The following TMEM132D variants were observed in gnomAD, a reference collection of about 807,000 sequenced individuals.
The protein encoded by TMEM132D is mature OL transmembrane protein.
In TMEM132D, 21 loss-of-function variants were observed where a neutral mutation model predicts 62.3. The observed-to-expected ratio is 0.34, with a 90% CI of 0.24 to 0.49. The LOEUF is 0.49. TMEM132D is among the 20% of genes least tolerant of loss of function. The pLI is 0.99. For missense variants in TMEM132D, 1,346 were observed against 1,402.8 expected (o/e 0.96, Z 0.65); for synonymous variants, 621 against 575.6 (o/e 1.08, Z -1.13).
intron 2 of TMEM132D, among the ~76,000 whole-genome samples, chr12:129,692,558 A>G (rs1234317685): frequency 6.6e-6 from 1 of 152,208 alleles, no homozygotes; most frequent in African/African-American, 2.4e-5. Flanking sequence ...TTGCAGCACT[A>G]TTCACACTAT....
intron 1 of TMEM132D, among the ~76,000 whole-genome samples, chr12:129,842,097 A>ATTTTT (rs746315309): frequency 4.2e-4 from 41 of 97,424 alleles, no homozygotes; most frequent in Middle Eastern, 6.3e-3. Context: ...CGCCCGGCTA[A>ATTTTT]TTTTTTTTTT....
At chr12:129,265,057 T>A (rs1880649281) in intron 4 of TMEM132D, among the ~76,000 whole-genome samples, 1 of 151,772 alleles carries the variant, frequency 6.6e-6, no homozygotes, top group Non-Finnish European at 1.5e-5. Context: ...CCCCAATAAC[T>A]TATGGAAAAA....
chr12:129,572,655 G>T (rs1401641663), intron 2 of TMEM132D, among the ~76,000 whole-genome samples: 2 of 152,084 alleles, frequency 1.3e-5, no homozygotes, highest in African/African-American at 2.4e-5. Flanking sequence ...CTCCATGTTG[G>T]TCAGGCTGGT....
At chr12:129,179,888 C>T (rs753368487) in intron 5 of TMEM132D, among the ~76,000 whole-genome samples, 13 of 152,126 alleles carry the variant, frequency 8.5e-5, no homozygotes, top group African/African-American at 2.2e-4. Flanking sequence ...ATTAGCCAGG[C>T]GTGGTGGCTG....
chr12:129,375,106 T>G (rs1280102944), intron 3 of TMEM132D, among the ~76,000 whole-genome samples: 1 of 152,198 alleles, frequency 6.6e-6, no homozygotes, highest in Non-Finnish European at 1.5e-5. Flanking sequence ...CTCCGGGAAC[T>G]TGGGCTGCAG....
rs141367054 is a variant in TMEM132D at position 129,134,116 on chromosome 12, TTG to T, written c.1444-49416_1444-49415del. On this transcript the variant is annotated intron_variant, in intron 5 of 8. Coordinates refer to ENST00000422113, the MANE Select transcript of TMEM132D (RefSeq NM_133448.3). Reference sequence around the variant, plus strand: ...TGTGTGTGTGTTGTGTGTCTGTGTGTTGTGTGTGTGTGTGTGTCTGTGTGTGT... The same window carrying T: ...TGTGTGTGTGTTGTGTGTCTGTGTGTTGTGTGTGTGTGTGTCTGTGTGTGT... 1.9e-3 allele frequency among the ~76,000 whole-genome samples: 271 copies of T among 144,476 alleles called. 1 individual carries two copies. The highest frequency in any genetic ancestry group is 0.01 in the Middle Eastern group (3 of 288). The allele number at this position is 144,476 out of a possible 152,430, so 94.8% of individuals were successfully genotyped here.
At chr12:129,694,569 A>G (rs779620201) in intron 2 of TMEM132D, among the ~76,000 whole-genome samples, 1 of 152,242 alleles carries the variant, frequency 6.6e-6, no homozygotes, top group Non-Finnish European at 1.5e-5. Flanking sequence ...AGTCTTGGCC[A>G]ATCCCAGTGG....
At chr12:129,451,209 A>G (rs1323977171) in intron 3 of TMEM132D, among the ~76,000 whole-genome samples, 1 of 152,178 alleles carries the variant, frequency 6.6e-6, no homozygotes, top group African/African-American at 2.4e-5. Context: ...TGGCTAAGGT[A>G]AATAAAATGC....
intron 3 of TMEM132D, among the ~76,000 whole-genome samples, chr12:129,443,088 T>C (rs1448711257): frequency 6.6e-6 from 1 of 152,142 alleles, no homozygotes; most frequent in South Asian, 2.1e-4. Context: ...AGAGCTCCCC[T>C]TGGGGTCGGC....
chr12:129,491,438 G>A (rs1293323895), intron 3 of TMEM132D, among the ~76,000 whole-genome samples: 3 of 152,220 alleles, frequency 2.0e-5, no homozygotes, highest in African/African-American at 7.2e-5. Context: ...CCCCAGGACT[G>A]AGACTTGCGG....
chr12:129,745,531 C>A (rs1156526736), intron 1 of TMEM132D, among the ~76,000 whole-genome samples: 1 of 152,114 alleles, frequency 6.6e-6, no homozygotes, highest in Non-Finnish European at 1.5e-5. Flanking sequence ...ACGGATTCAA[C>A]CCCCCTCTAT....
intron 4 of TMEM132D, among the ~76,000 whole-genome samples, chr12:129,302,109 C>T (rs1001459029): frequency 6.6e-6 from 1 of 152,134 alleles, no homozygotes; most frequent in African/African-American, 2.4e-5. Flanking sequence ...GGCTTGTCTG[C>T]CACTTTATTT....
chr12:129,493,083 T>C (rs569515012), intron 3 of TMEM132D, among the ~76,000 whole-genome samples: 63 of 152,310 alleles, frequency 4.1e-4, no homozygotes, highest in African/African-American at 1.5e-3. Context: ...CCAGCTGTAC[T>C]TGAAGGTCAA....
At chr12:129,885,819 A>G (rs1874734042) in intron 1 of TMEM132D, among the ~76,000 whole-genome samples, 1 of 152,214 alleles carries the variant, frequency 6.6e-6, no homozygotes, top group Non-Finnish European at 1.5e-5. Context: ...GAATGGCTTG[A>G]CACCCACGAC....
intron 3 of TMEM132D, among the ~76,000 whole-genome samples, chr12:129,409,727 A>C (rs1489570611): frequency 2.6e-5 from 4 of 152,230 alleles, no homozygotes; most frequent in Admixed American, 1.3e-4. Context: ...TAAAGAGTAA[A>C]TACACATATT....
chr12:129,601,938 T>C (rs1393227844), intron 2 of TMEM132D, among the ~76,000 whole-genome samples: 1 of 152,124 alleles, frequency 6.6e-6, no homozygotes, highest in Non-Finnish European at 1.5e-5. Context: ...AGGGTTGCCA[T>C]AAACCTTCAA....
chr12:129,373,989 CT>C (rs1870703406), intron 3 of TMEM132D, among the ~76,000 whole-genome samples: 1 of 151,880 alleles, frequency 6.6e-6, no homozygotes, highest in Admixed American at 6.6e-5. Flanking sequence ...AGCCTAAGGC[CT>C]TAGGGAAATA....
chr12:129,537,681 C>T (rs949261304), intron 2 of TMEM132D, among the ~76,000 whole-genome samples: 10 of 152,092 alleles, frequency 6.6e-5, no homozygotes, highest in Admixed American at 2.0e-4. Flanking sequence ...GGGCTCTAAA[C>T]GGACATAAGG....
intron 4 of TMEM132D, among the ~76,000 whole-genome samples, chr12:129,224,787 C>T (rs752985519): frequency 6.6e-6 from 1 of 152,070 alleles, no homozygotes; most frequent in African/African-American, 2.4e-5. Flanking sequence ...GCCTGCAGTC[C>T]CAGCTACTCA....
Sources: allele counts gnomAD v4.1 joint callset (sites outside exome capture counted in the v4.1 genomes callset), GRCh38; gene constraint gnomAD v4.1.1; transcripts MANE v1.5; gene names NCBI Gene and HGNC (gene_info 2026-07-23, HGNC 2026-07-21).